The following DCAF8 variants were observed in gnomAD, a reference collection of about 807,000 sequenced individuals.
The protein encoded by DCAF8 is DDB1- and CUL4-associated factor 8.
Under a neutral mutation model 68.0 loss-of-function variants are expected in DCAF8, and 20 were observed. The ratio of observed to expected loss-of-function variants is 0.29; its 90% CI spans 0.21 to 0.43. The LOEUF (loss-of-function observed/expected upper bound fraction) is 0.43, where lower values mean the gene tolerates loss of function less well. Ranked by LOEUF, DCAF8 falls within the 20% of genes least tolerant of loss-of-function variation. DCAF8 has a pLI of 1.00. For synonymous variants in DCAF8, 230 were observed against 276.9 expected, an observed-to-expected ratio of 0.83 and a Z score of 1.68; for missense variants, 460 against 771.0, an observed-to-expected ratio of 0.60 and a Z score of 4.78.
At chr1:160,241,058 A>G (rs1290684880) in intron 3 of DCAF8, among the ~76,000 whole-genome samples, 1 of 152,192 alleles carries the variant, frequency 6.6e-6, no homozygotes, top group Non-Finnish European at 1.5e-5. Context: ...AGGATGAGGC[A>G]GTAGAATGGC....
At chr1:160,241,455 A>G (rs1337255524) in intron 3 of DCAF8, among the ~76,000 whole-genome samples, 1 of 152,230 alleles carries the variant, frequency 6.6e-6, no homozygotes, top group Non-Finnish European at 1.5e-5. Context: ...ACGAAAGTTC[A>G]GTATATTCTA....
rs894197044 is a variant in DCAF8 at position 160,217,924 on chromosome 1, T to A, written c.1678-216A>T. On this transcript the variant is annotated intron_variant, in intron 13 of 13. Coordinates refer to ENST00000368074, the MANE Select transcript of DCAF8 (RefSeq NM_015726.4). ...AGGCCGCCACAGACAATACACAGAA[T>A]GGGTATGGCTGCAAGCCAATGAAAC... The A allele has an allele frequency of 6.0e-5, 32 of 532,202 alleles. No individual in the cohort carries two copies. The South Asian group carries it at 9.6e-4, about 16-fold the overall frequency. The allele number at this position is 532,202 out of a possible 1,614,324, so 33.0% of individuals were successfully genotyped here.
intron 2 of DCAF8, among the ~76,000 whole-genome samples, chr1:160,252,119 C>T (rs1314465597): frequency 6.6e-6 from 1 of 152,150 alleles, no homozygotes; most frequent in Non-Finnish European, 1.5e-5. Context: ...CCTCTGGCAC[C>T]ACCCAGTGGC....
intron 6 of DCAF8, among the ~76,000 whole-genome samples, chr1:160,234,892 A>G (rs1432763298): frequency 6.6e-6 from 1 of 152,222 alleles, no homozygotes; most frequent in Admixed American, 6.5e-5. Context: ...TGAAGGTTAT[A>G]TAAACAAGCA....
chr1:160,227,640 TA>T (rs1424265788), intron 7 of DCAF8, among the ~76,000 whole-genome samples: 1 of 152,236 alleles, frequency 6.6e-6, no homozygotes, highest in Non-Finnish European at 1.5e-5. Context: ...GACAAGACAG[TA>T]AATGTTTTAA....
chr1:160,224,579 G>C, intron 9 of DCAF8, 30 bp from the exon 10 acceptor site: 1 of 1,577,244 alleles, frequency 6.3e-7, no homozygotes, highest in Non-Finnish European at 8.7e-7. Context: ...AGCAGTGAAG[G>C]CAAAGGCTGA....
chr1:160,233,464 CT>C (rs1368290155), intron 6 of DCAF8, among the ~76,000 whole-genome samples: 1 of 152,144 alleles, frequency 6.6e-6, no homozygotes, highest in African/African-American at 2.4e-5. Flanking sequence ...CCTCCATCCC[CT>C]AATGGTGTCC....
chr1:160,243,630 G>A (rs1656208721), intron 3 of DCAF8, among the ~76,000 whole-genome samples: 1 of 152,022 alleles, frequency 6.6e-6, no homozygotes, highest in African/African-American at 2.4e-5. Flanking sequence ...AAATTCCCTT[G>A]TTCCTACTAG....
intron 2 of DCAF8, among the ~76,000 whole-genome samples, chr1:160,259,156 G>T (rs1656956012): frequency 6.6e-6 from 1 of 152,134 alleles, no homozygotes; most frequent in African/African-American, 2.4e-5. Context: ...TTGCCAAAAA[G>T]ATACGAAAGA....
intron 11 of DCAF8, 141 bp downstream of exon 11, chr1:160,222,510 G>A: frequency 2.6e-6 from 3 of 1,168,750 alleles, no homozygotes; most frequent in Non-Finnish European, 3.6e-6. Flanking sequence ...AGCACCTCCA[G>A]GCTAACTAGT....
chr1:160,262,536 T>G lies in DCAF8; in HGVS notation c.-188A>C. 2 of 399,114 alleles carry G rather than the reference T, an allele frequency of 5.0e-6. No homozygotes were observed. 24.7% of individuals were successfully genotyped at this position (399,114 alleles called of 1,614,324 possible). A position where few individuals can be genotyped will look rare whatever the true frequency, so the allele number is the denominator to read the frequency against. On this transcript the variant is annotated 5_prime_UTR_variant, in exon 1 of 14. Transcript: ENST00000368074. ...CTTTCCGGCCCCGTTTGCGACGATGTGCTCGAGAAGACTGAGGGAAGAGTG... is the reference window on the plus strand; with the variant it reads ...CTTTCCGGCCCCGTTTGCGACGATGGGCTCGAGAAGACTGAGGGAAGAGTG...
chr1:160,222,873 C>CT lies in DCAF8; in HGVS notation c.1310-93dup, dbSNP rs1297152947. On this transcript the variant is annotated intron_variant, in intron 10 of 13. Transcript: ENST00000368074. ...AAGGGAATTTAGTTATTCACAAACT[C>CT]TAAATCAGCTAGATTATGCATGTTT... 4.3e-5 allele frequency: 65 copies of CT among 1,527,932 alleles called. No individual in the cohort carries two copies. In the African/African-American group the frequency reaches 8.1e-4, roughly 19 times the overall value. The allele number at this position is 1,527,932 out of a possible 1,614,324, so 94.6% of individuals were successfully genotyped here.
chr1:160,259,266 G>A (rs1656960131), intron 2 of DCAF8, among the ~76,000 whole-genome samples: 1 of 152,284 alleles, frequency 6.6e-6, no homozygotes, highest in East Asian at 1.9e-4. Flanking sequence ...CGGGCATGGT[G>A]GTTCACACCT....
intron 2 of DCAF8, among the ~76,000 whole-genome samples, chr1:160,254,798 G>GA (rs766483026): frequency 6.6e-6 from 1 of 151,442 alleles, no homozygotes; most frequent in Non-Finnish European, 1.5e-5. Flanking sequence ...AAAAAAAAAA[G>GA]AAAAAAGAAA....
At chr1:160,247,983 AAATT>A (rs1466026370) in intron 2 of DCAF8, among the ~76,000 whole-genome samples, 1 of 152,212 alleles carries the variant, frequency 6.6e-6, no homozygotes, top group Admixed American at 6.5e-5. Context: ...ACATACAAAA[AAATT>A]AATCAGTTGG....
intron 6 of DCAF8, 91 bp from the exon 7 acceptor site, chr1:160,231,498 A>G (rs1050941692): frequency 7.5e-6 from 6 of 802,780 alleles, no homozygotes; most frequent in Non-Finnish European, 1.2e-5. Context: ...CATGGCTAAT[A>G]AGAAACCAAA....
chr1:160,245,796 T>C (rs1038765862), intron 2 of DCAF8, among the ~76,000 whole-genome samples: 9 of 152,230 alleles, frequency 5.9e-5, no homozygotes, highest in Non-Finnish European at 1.2e-4. Flanking sequence ...TTATATTCTT[T>C]AGAATAGGAG....
intron 3 of DCAF8, among the ~76,000 whole-genome samples, chr1:160,243,440 C>T (rs998461661): frequency 3.4e-5 from 5 of 146,666 alleles, no homozygotes; most frequent in East Asian, 4.0e-4. Context: ...GACGGGGTCT[C>T]GCTATGTTGC....
chr1:160,258,658 CCCTG>C (rs1656936551), intron 2 of DCAF8, among the ~76,000 whole-genome samples: 2 of 151,530 alleles, frequency 1.3e-5, no homozygotes, highest in African/African-American at 4.9e-5. Context: ...GGTGATATGC[CCCTG>C]CGGTCCCAGC....
Sources: allele counts gnomAD v4.1 joint callset (sites outside exome capture counted in the v4.1 genomes callset), GRCh38; gene constraint gnomAD v4.1.1; transcripts MANE v1.5; gene names NCBI Gene and HGNC (gene_info 2026-07-23, HGNC 2026-07-21).